Variants in CBX1 observed in about 807,000 individuals in gnomAD.
CBX1 encodes the protein chromobox 1.
In CBX1, 10 loss-of-function variants were observed where a neutral mutation model predicts 25.1. The ratio of observed to expected loss-of-function variants is 0.40; its 90% CI spans 0.25 to 0.68. CBX1 has a LOEUF of 0.68. Among genes scored for constraint, CBX1 ranks in the 30% least tolerant of loss-of-function variants. CBX1 has a pLI of 0.40. For missense variants in CBX1, 106 were observed against 218.5 expected (o/e 0.49, Z 3.25); for synonymous variants, 63 against 79.4 (o/e 0.79, Z 1.10).
intron 1 of CBX1, among the ~76,000 whole-genome samples, chr17:48,080,951 AATATATATATATATATATATATATAT>A (rs1323670486): frequency 3.5e-3 from 115 of 33,278 alleles, no homozygotes; most frequent in East Asian, 4.7e-3. Flanking sequence ...AAAAAAAAAA[AATATATATATATATATATATATATAT>A]ATATATATAT....
chr17:48,101,309 G>A lies in CBX1; in HGVS notation c.-79C>T, dbSNP rs1224456062. 2 of 986,338 alleles carry A rather than the reference G, an allele frequency of 2.0e-6. No homozygotes were observed. Among genetic ancestry groups the A allele is most frequent in the African/African-American group, 3.5e-5 (2 of 57,248 alleles). 61.1% of individuals were successfully genotyped at this position (986,338 alleles called of 1,614,324 possible). ...AGAGCCCGAGAGGAATCGGTGCTGC[G>A]CTGCTGGCGCGTCGCGTCGGGTCGC... is the stretch of plus-strand genomic sequence containing the variant. On this transcript the variant is annotated 5_prime_UTR_variant, in exon 1 of 5. Coordinates refer to ENST00000225603, the MANE Select transcript of CBX1 (RefSeq NM_001127228.2).
At chr17:48,077,689 A>G (rs1215718068) in intron 1 of CBX1, among the ~76,000 whole-genome samples, 1 of 151,952 alleles carries the variant, frequency 6.6e-6, no homozygotes, top group Non-Finnish European at 1.5e-5. Context: ...ACCATAAAGC[A>G]TGGTAGCTAG....
chr17:48,074,983 C>T, intron 4 of CBX1, 23 bp downstream of exon 4: 1 of 1,541,706 alleles, frequency 6.5e-7, no homozygotes, highest in Non-Finnish European at 9.0e-7. Context: ...AAAACAACCA[C>T]ACAGAGCCAC....
At chr17:48,101,163 G>T (rs892368101) in intron 1 of CBX1, 105 bp downstream of exon 1, 2 of 986,670 alleles carry the variant, frequency 2.0e-6, no homozygotes, top group Non-Finnish European at 2.4e-6. Flanking sequence ...CGCGCTCCCC[G>T]CTCCTAACCT....
intron 1 of CBX1, among the ~76,000 whole-genome samples, chr17:48,095,540 A>T (rs2063369791): frequency 6.6e-6 from 1 of 152,214 alleles, no homozygotes; most frequent in African/African-American, 2.4e-5. Flanking sequence ...CTGGGCAACA[A>T]GAACAAAACT....
intron 1 of CBX1, among the ~76,000 whole-genome samples, chr17:48,080,953 T>A (rs1340973035): frequency 0.03 from 380 of 12,698 alleles, 6 homozygotes; most frequent in South Asian, 0.04. Context: ...AAAAAAAAAA[T>A]ATATATATAT....
intron 1 of CBX1, chr17:48,096,357 G>A: frequency 1.0e-6 from 1 of 985,312 alleles, no homozygotes; most frequent in Middle Eastern, 5.2e-4. Flanking sequence ...GGCCACAAGA[G>A]TCTACAAATG....
intron 1 of CBX1, among the ~76,000 whole-genome samples, chr17:48,087,886 A>G (rs1233967943): frequency 1.3e-5 from 2 of 151,816 alleles, no homozygotes; most frequent in East Asian, 1.9e-4. Context: ...AAAAAAAAAA[A>G]AAAAGAAAAC....
intron 1 of CBX1, among the ~76,000 whole-genome samples, chr17:48,086,619 G>A (rs2063313183): frequency 6.6e-6 from 1 of 152,186 alleles, no homozygotes; most frequent in African/African-American, 2.4e-5. Context: ...ACTTTGGGAG[G>A]CTGAGGCAGG....
Position 48,077,476 on chromosome 17 carries a change from C to T in CBX1, c.-37-435G>A, listed in dbSNP as rs1377429856. On this transcript the variant is annotated intron_variant, in intron 1 of 4. Coordinates refer to ENST00000225603, the MANE Select transcript of CBX1 (RefSeq NM_001127228.2). Reference sequence around the variant, plus strand: ...TTTGTTTTTTTTTTTTTAGTAGAGACGGGATTTCACTATGTGTTGGCCAGG... The same window carrying T: ...TTTGTTTTTTTTTTTTTAGTAGAGATGGGATTTCACTATGTGTTGGCCAGG... Among the ~76,000 whole-genome samples the T allele has an allele frequency of 4.7e-5, 6 of 128,680 alleles. No individual in the cohort carries two copies. In the Admixed American group the frequency reaches 5.0e-4, roughly 11 times the overall value. The allele number at this position is 128,680 out of a possible 152,430, so 84.4% of individuals were successfully genotyped here. A position where few individuals can be genotyped will look rare whatever the true frequency, so the allele number is the denominator to read the frequency against.
intron 1 of CBX1, among the ~76,000 whole-genome samples, chr17:48,099,108 T>C (rs955953655): frequency 3.1e-4 from 47 of 152,270 alleles, no homozygotes; most frequent in African/African-American, 1.1e-3. Context: ...TCATCTATCT[T>C]TTCTTTTTTT....
Position 48,100,925 on chromosome 17 carries a change from C to T in CBX1, c.-38+343G>A, listed in dbSNP as rs542966230. The T allele has an allele frequency of 6.5e-3, 6,365 of 986,138 alleles. 27 individuals are homozygous for T. Among genetic ancestry groups the T allele is most frequent in the Non-Finnish European group, 7.3e-3 (6,063 of 830,490 alleles). 61.1% of individuals were successfully genotyped at this position (986,138 alleles called of 1,614,324 possible). On this transcript the variant is annotated intron_variant, in intron 1 of 4. Coordinates refer to ENST00000225603, the MANE Select transcript of CBX1 (RefSeq NM_001127228.2). Reference sequence around the variant, plus strand: ...CCTCACGCCTATCCAAGCCTCAAGCCTGTCCCCTTCCGCCCTATCCCGCAG... The same window carrying T: ...CCTCACGCCTATCCAAGCCTCAAGCTTGTCCCCTTCCGCCCTATCCCGCAG...
chr17:48,086,767 G>T (rs1015372703), intron 1 of CBX1, among the ~76,000 whole-genome samples: 2 of 152,084 alleles, frequency 1.3e-5, no homozygotes, highest in Admixed American at 1.3e-4. Flanking sequence ...TGAGGCAGGA[G>T]AATCACTTGA....
chr17:48,087,230 G>C (rs1399425448), intron 1 of CBX1, among the ~76,000 whole-genome samples: 2 of 149,812 alleles, frequency 1.3e-5, no homozygotes, highest in Admixed American at 6.7e-5. Context: ...AGCGAACTCT[G>C]AGTCAAGAAC....
chr17:48,088,058 C>G (rs374570098), intron 1 of CBX1: 2 of 152,114 alleles, frequency 1.3e-5, no homozygotes, highest in Non-Finnish European at 2.9e-5. Context: ...CGCCTGTAAT[C>G]CCAGAACTTT....
intron 4 of CBX1, among the ~76,000 whole-genome samples, chr17:48,073,824 C>CAAAAAAAAAAAAAAAAAAAAAAAAAAA (rs60857566): frequency 1.9e-4 from 16 of 82,480 alleles, no homozygotes; most frequent in Admixed American, 2.5e-4. Context: ...GAGACTGTCT[C>CAAAAAAAAAAAAAAAAAAAAAAAAAAA]AAAAAAAAAA....
At chr17:48,074,819 G>A in intron 4 of CBX1, 187 bp downstream of exon 4, 1 of 550,954 alleles carries the variant, frequency 1.8e-6, no homozygotes. Context: ...AGATTCCTAA[G>A]GGCTCCTACC....
intron 1 of CBX1, chr17:48,096,355 G>C (rs2063374869): frequency 2.0e-6 from 2 of 985,356 alleles, no homozygotes; most frequent in East Asian, 1.1e-4. Context: ...GAGGCCACAA[G>C]AGTCTACAAA....
chr17:48,098,253 A>G (rs1398772513), intron 1 of CBX1, among the ~76,000 whole-genome samples: 4 of 78,188 alleles, frequency 5.1e-5, no homozygotes, highest in African/African-American at 2.1e-4. Flanking sequence ...CTGTCTTAAA[A>G]AAACAAAAAA....
Sources: allele counts gnomAD v4.1 joint callset (sites outside exome capture counted in the v4.1 genomes callset), GRCh38; gene constraint gnomAD v4.1.1; transcripts MANE v1.5; gene names NCBI Gene and HGNC (gene_info 2026-07-23, HGNC 2026-07-21).